The following ADCYAP1R1 variants were observed in gnomAD, a reference collection of about 807,000 sequenced individuals.
ADCYAP1R1 encodes pituitary adenylate cyclase-activating polypeptide type I receptor.
ADCYAP1R1 carries 44 observed loss-of-function variants against 67.6 expected under a neutral mutation model. The observed-to-expected ratio is 0.65, with a 90% CI of 0.51 to 0.84. The LOEUF is 0.84. Ranked by LOEUF, ADCYAP1R1 falls within the 40% of genes least tolerant of loss-of-function variation. ADCYAP1R1 has a pLI of 0.00. For missense variants in ADCYAP1R1, 477 were observed against 587.9 expected (o/e 0.81, Z 1.95); for synonymous variants, 222 against 219.6 (o/e 1.01, Z -0.10).
In ADCYAP1R1 at chr7:31,098,538, A is replaced by G. The variant is rs115686559; in HGVS notation, c.1047-4699A>G. Among the ~76,000 whole-genome samples the G allele has an allele frequency of 2.9e-3, 447 of 152,196 alleles. 6 individuals are homozygous for G. Among genetic ancestry groups the G allele is most frequent in the African/African-American group, 0.01 (425 of 41,538 alleles). On this transcript the variant is annotated intron_variant, in intron 13 of 15. Coordinates refer to ENST00000304166, the MANE Select transcript of ADCYAP1R1 (RefSeq NM_001118.5). ...AAGCTCTCAGGTGGTGTTGGTGTTG[A>G]TGGTCTGGGGACTGCAGTCTGAGTA... is the stretch of plus-strand genomic sequence containing the variant.
At chr7:31,094,814 T>C (rs1198835940) in intron 13 of ADCYAP1R1, among the ~76,000 whole-genome samples, 1 of 152,128 alleles carries the variant, frequency 6.6e-6, no homozygotes, top group Non-Finnish European at 1.5e-5. Context: ...ATTTAAGTAC[T>C]GTATTAATCT....
intron 13 of ADCYAP1R1, among the ~76,000 whole-genome samples, chr7:31,099,854 C>T (rs183349729): frequency 1.3e-5 from 2 of 152,330 alleles, no homozygotes; most frequent in Admixed American, 6.5e-5. Context: ...GAATACACAC[C>T]TTCCCTCTAA....
At chr7:31,065,742 G>T (rs1180387094) in intron 3 of ADCYAP1R1, among the ~76,000 whole-genome samples, 1 of 152,192 alleles carries the variant, frequency 6.6e-6, no homozygotes, top group African/African-American at 2.4e-5. Context: ...CATCACAGAG[G>T]CCTCTCCAAC....
intron 13 of ADCYAP1R1, among the ~76,000 whole-genome samples, chr7:31,093,443 C>T (rs1796052782): frequency 6.6e-6 from 1 of 152,138 alleles, no homozygotes; most frequent in Non-Finnish European, 1.5e-5. Flanking sequence ...CTTTGCCTGC[C>T]CTTTCCCATT....
intron 12 of ADCYAP1R1, among the ~76,000 whole-genome samples, chr7:31,088,946 G>T (rs1795858327): frequency 6.6e-6 from 1 of 152,186 alleles, no homozygotes; most frequent in South Asian, 2.1e-4. Flanking sequence ...ATTTGGAGGA[G>T]AATTTATTTT....
intron 1 of ADCYAP1R1, among the ~76,000 whole-genome samples, chr7:31,053,298 G>T (rs1044503956): frequency 6.6e-6 from 1 of 152,226 alleles, no homozygotes; most frequent in Non-Finnish European, 1.5e-5. Flanking sequence ...CTGGGGTTGG[G>T]GATGCCAGGG....
chr7:31,092,769 C>T, intron 13 of ADCYAP1R1, 34 bp downstream of exon 13: 2 of 1,536,114 alleles, frequency 1.3e-6, no homozygotes, highest in Non-Finnish European at 1.8e-6. Context: ...ACAGCCATTT[C>T]TGACAGCCGA....
chr7:31,080,584 TTCTC>T (rs761650653), intron 4 of ADCYAP1R1, 25 bp from the exon 5 acceptor site: 3 of 1,606,500 alleles, frequency 1.9e-6, no homozygotes, highest in Non-Finnish European at 2.6e-6. Context: ...CCTCTGACTT[TTCTC>T]TCTCTCTCTT....
intron 3 of ADCYAP1R1, among the ~76,000 whole-genome samples, chr7:31,069,273 A>G (rs1396433902): frequency 6.6e-6 from 1 of 152,168 alleles, no homozygotes; most frequent in Admixed American, 6.5e-5. Context: ...AAGAATCGAC[A>G]TCTGTGCGTT....
rs889498509 is a variant in ADCYAP1R1 at position 31,075,095 on chromosome 7, C to T, written c.158-2896C>T. 3.9e-5 allele frequency among the ~76,000 whole-genome samples: 6 copies of T among 152,352 alleles called. No individual in the cohort carries two copies. In the East Asian group the frequency reaches 7.7e-4, roughly 20 times the overall value. ...TGCTCCAGGCCCCTCCTCTTCCCAGCACCTTCCCAGGGGTCCTCTGGACCT... is the reference window on the plus strand; with the variant it reads ...TGCTCCAGGCCCCTCCTCTTCCCAGTACCTTCCCAGGGGTCCTCTGGACCT... On this transcript the variant is annotated intron_variant, in intron 3 of 15. Transcript: ENST00000304166.
At chr7:31,070,504 A>G (rs150232177) in intron 3 of ADCYAP1R1, among the ~76,000 whole-genome samples, 137 of 152,328 alleles carry the variant, frequency 9.0e-4, no homozygotes, top group African/African-American at 3.1e-3. Context: ...TCTACGTTCA[A>G]TAGAGGGGAG....
intron 1 of ADCYAP1R1, among the ~76,000 whole-genome samples, chr7:31,054,764 G>A (rs1266731274): frequency 6.6e-6 from 1 of 152,234 alleles, no homozygotes; most frequent in East Asian, 1.9e-4. Flanking sequence ...AGCTTAGCTC[G>A]GTGCCAGGAA....
Position 31,086,842 on chromosome 7 carries a change from C to G in ADCYAP1R1, c.824-101C>G. 1 of 1,275,596 alleles carries G rather than the reference C, an allele frequency of 7.8e-7. No individual in the cohort carries two copies. The highest frequency in any genetic ancestry group is 1.1e-6 in the Non-Finnish European group (1 of 876,238). The allele number at this position is 1,275,596 out of a possible 1,614,324, so 79.0% of individuals were successfully genotyped here. ...GTTAGAATTCCCAGGAATTCCAAGT[C>G]TCATGGGGGAGCAATAGCCTCTCGG... On this transcript the variant is annotated intron_variant, in intron 10 of 15. Coordinates refer to ENST00000304166, the MANE Select transcript of ADCYAP1R1 (RefSeq NM_001118.5). This position sits in a 1 kb window ranked among gnomAD's most constrained non-coding sequence, Gnocchi z 5.0.
chr7:31,060,868 T>C (rs1232450363), intron 1 of ADCYAP1R1, among the ~76,000 whole-genome samples: 1 of 152,194 alleles, frequency 6.6e-6, no homozygotes, highest in East Asian at 1.9e-4. Flanking sequence ...AAGGTTAAAA[T>C]AGAGGCTTTA....
intron 1 of ADCYAP1R1, chr7:31,057,058 G>A (rs1376943176): frequency 6.6e-6 from 1 of 152,248 alleles, no homozygotes; most frequent in South Asian, 2.1e-4. Flanking sequence ...AAAGGGAAAG[G>A]CGCTCAGTGC....
chr7:31,098,488 G>A (rs562001718), intron 13 of ADCYAP1R1, among the ~76,000 whole-genome samples: 1 of 152,242 alleles, frequency 6.6e-6, no homozygotes, highest in East Asian at 1.9e-4. Context: ...GTCCGAGGTG[G>A]CACCTGGGAT....
chr7:31,070,660 C>T (rs1242028106), intron 3 of ADCYAP1R1, among the ~76,000 whole-genome samples: 1 of 152,222 alleles, frequency 6.6e-6, no homozygotes, highest in East Asian at 1.9e-4. Context: ...CAGGGACCCT[C>T]ATGCTGAGGA....
At chr7:31,094,782 G>A (rs1584532893) in intron 13 of ADCYAP1R1, among the ~76,000 whole-genome samples, 1 of 152,166 alleles carries the variant, frequency 6.6e-6, no homozygotes, top group East Asian at 1.9e-4. Context: ...AGAGCTACCT[G>A]TAATTAGCAC....
At chr7:31,083,743 TCTC>T (rs1436018333) in intron 6 of ADCYAP1R1, among the ~76,000 whole-genome samples, 1 of 152,080 alleles carries the variant, frequency 6.6e-6, no homozygotes, top group African/African-American at 2.4e-5. Context: ...AGTGCCCAGA[TCTC>T]CTGACAGAGA....
Sources: gnomAD v4.1 joint callset for allele counts (sites outside exome capture counted in the v4.1 genomes callset) on GRCh38, gnomAD v4.1.1 for gene constraint, Gnocchi (gnomAD v3.1) non-coding constraint, MANE v1.5 for transcripts, NCBI Gene and HGNC (gene_info 2026-07-23, HGNC 2026-07-21) for gene names.